The following CDC123 variants were observed in gnomAD, a reference collection of about 807,000 sequenced individuals.
The protein encoded by CDC123 is translation initiation factor eIF2 assembly protein.
A neutral mutation model predicts 54.4 loss-of-function variants in CDC123; 37 were observed. That is an observed-to-expected ratio of 0.68 (90% CI 0.52 to 0.89). CDC123 has a LOEUF of 0.89. Among genes scored for constraint, CDC123 ranks in the 40% least tolerant of loss-of-function variants. The pLI, the probability that CDC123 is intolerant of heterozygous loss-of-function variation, is 0.00. For synonymous variants in CDC123, 144 were observed against 136.8 expected (o/e 1.05, Z -0.37); for missense variants, 361 against 412.1 (o/e 0.88, Z 1.07).
intron 6 of CDC123, among the ~76,000 whole-genome samples, chr10:12,225,746 C>CTTTTTTTTTTTTTTTTTTTTTTTTT (rs60404885): frequency 1.5e-5 from 1 of 66,928 alleles, no homozygotes; most frequent in Non-Finnish European, 2.4e-5. Flanking sequence ...TAGCTTCTCT[C>CTTTTTTTTTTTTTTTTTTTTTTTTT]TTTTTTTTTT....
chr10:12,233,929 G>A (rs937215741), intron 7 of CDC123, among the ~76,000 whole-genome samples: 1 of 151,774 alleles, frequency 6.6e-6, no homozygotes, highest in Admixed American at 6.6e-5. Context: ...TGTGATTTAG[G>A]CCAAGGGTAG....
At chr10:12,231,623 C>T (rs1434590089) in intron 7 of CDC123, among the ~76,000 whole-genome samples, 24 of 92,094 alleles carry the variant, frequency 2.6e-4, no homozygotes, top group Non-Finnish European at 4.9e-4. Flanking sequence ...GAAACTCCGT[C>T]TCAAAAAAAA....
At position 12,238,330 on chromosome 10, in the gene CDC123, A is replaced by G. The variant is rs186014836; in HGVS notation, c.689-127A>G. The G allele has an allele frequency of 4.0e-6, 4 of 1,011,388 alleles. No homozygotes were observed. The Admixed American group carries it at 1.0e-4, about 25-fold the overall frequency. The allele number at this position is 1,011,388 out of a possible 1,614,324, so 62.7% of individuals were successfully genotyped here. A position where few individuals can be genotyped will look rare whatever the true frequency, so the allele number is the denominator to read the frequency against. ...TTATGTTTGAAGTTTTGAGGTTTAG[A>G]AGCATGAAGTCCTCAGGGTCATTTA... is the stretch of plus-strand genomic sequence containing the variant. On this transcript the variant is annotated intron_variant, in intron 9 of 12. Transcript: ENST00000281141.
intron 1 of CDC123, among the ~76,000 whole-genome samples, chr10:12,198,456 G>A (rs1192805492): frequency 1.3e-5 from 2 of 152,152 alleles, no homozygotes; most frequent in Non-Finnish European, 2.9e-5. Flanking sequence ...CTTTCATACT[G>A]TGATTTCCAT....
At chr10:12,234,970 A>T in intron 7 of CDC123, 78 bp from the exon 8 acceptor site, 1 of 967,792 alleles carries the variant, frequency 1.0e-6, no homozygotes, top group African/African-American at 1.6e-5. Context: ...TCATTAAGAT[A>T]CAGTGTTGAC....
intron 6 of CDC123, among the ~76,000 whole-genome samples, chr10:12,227,884 G>A (rs921432629): frequency 1.3e-5 from 2 of 152,162 alleles, no homozygotes; most frequent in Admixed American, 1.3e-4. Context: ...CCTTGGGGGC[G>A]AAAGGGCAGT....
chr10:12,241,164 G>C (rs773434158), intron 10 of CDC123, among the ~76,000 whole-genome samples: 3 of 70,078 alleles, frequency 4.3e-5, no homozygotes, highest in Non-Finnish European at 7.4e-5. Context: ...ATTTTTCTTA[G>C]TAAGTGAGGA....
chr10:12,238,695 G>C (rs1196937430), intron 10 of CDC123, among the ~76,000 whole-genome samples: 1 of 151,946 alleles, frequency 6.6e-6, no homozygotes, highest in Non-Finnish European at 1.5e-5. Flanking sequence ...GGGCAACATA[G>C]TGAGCCCTCA....
At chr10:12,225,067 A>C (rs12247668) in intron 6 of CDC123, among the ~76,000 whole-genome samples, 7,084 of 152,152 alleles carry the variant, frequency 0.047, 537 homozygotes, top group African/African-American at 0.16. Flanking sequence ...CCCCTTACAG[A>C]GCTTGAACTG....
rs372352421 is a variant in CDC123, at chr10:12,235,132, T to G, written c.565+9T>G. ...GGAAAACAAGCTTATTGGTGAGTTT[T>G]TGTTTGTTTGTTTGTTTTATCCTTC... is the stretch of plus-strand genomic sequence containing the variant. On this transcript the variant is annotated intron_variant, in intron 8 of 12. Transcript: ENST00000281141. 1.1e-4 allele frequency: 181 copies of G among 1,583,780 alleles called. 1 individual carries two copies. The African/African-American group carries it at 2.2e-3, about 20-fold the overall frequency.
Position 12,235,616 on chromosome 10 carries a change from T to C in CDC123, c.565+493T>C, listed in dbSNP as rs79496457. Among the ~76,000 whole-genome samples the C allele has an allele frequency of 2.7e-3, 413 of 152,368 alleles. 5 individuals are homozygous for C. In the East Asian group the frequency reaches 0.057, roughly 21 times the overall value. On this transcript the variant is annotated intron_variant, in intron 8 of 12. Transcript: ENST00000281141. ...CAGGTTACTGTTCTGTTTGCTATGA[T>C]TGATTTAACTTAAATATTGAAGATA... is the stretch of plus-strand genomic sequence containing the variant.
chr10:12,220,618 TAAA>T (rs1835723579), intron 6 of CDC123, among the ~76,000 whole-genome samples: 1 of 152,238 alleles, frequency 6.6e-6, no homozygotes, highest in African/African-American at 2.4e-5. Flanking sequence ...TGCCATCACA[TAAA>T]AATTCCTTAT....
chr10:12,229,086 T>G (rs1245632817), intron 6 of CDC123, among the ~76,000 whole-genome samples: 3 of 152,056 alleles, frequency 2.0e-5, no homozygotes, highest in Non-Finnish European at 4.4e-5. Flanking sequence ...CTGTGTCCAC[T>G]CCCATTCCCT....
chr10:12,223,803 G>A (rs898318817), intron 6 of CDC123, among the ~76,000 whole-genome samples: 13 of 152,046 alleles, frequency 8.6e-5, no homozygotes, highest in African/African-American at 2.9e-4. Context: ...TTGCTTCTGA[G>A]TAAAGACAAG....
chr10:12,234,271 T>C (rs1835946370), intron 7 of CDC123, among the ~76,000 whole-genome samples: 1 of 152,064 alleles, frequency 6.6e-6, no homozygotes, highest in African/African-American at 2.4e-5. Flanking sequence ...ATTTTTTGTG[T>C]TTTTAGTAGA....
chr10:12,238,625 C>A, intron 10 of CDC123, 140 bp downstream of exon 10: 1 of 1,011,196 alleles, frequency 9.9e-7, no homozygotes, highest in Non-Finnish European at 1.4e-6. Flanking sequence ...CCTGTATTCC[C>A]AGCACTTTGG....
chr10:12,220,196 T>C (rs1036458463), intron 6 of CDC123, among the ~76,000 whole-genome samples: 10 of 152,214 alleles, frequency 6.6e-5, no homozygotes, highest in Non-Finnish European at 1.5e-4. Context: ...CTTTTGCCTT[T>C]CCAGAACTAA....
intron 2 of CDC123, among the ~76,000 whole-genome samples, chr10:12,204,092 CAAA>C (rs748765566): frequency 1.5e-5 from 2 of 131,142 alleles, no homozygotes; most frequent in Admixed American, 7.9e-5. Flanking sequence ...GACCTTGTCT[CAAA>C]AAAAAAAAAA....
intron 6 of CDC123, among the ~76,000 whole-genome samples, chr10:12,224,112 T>A (rs1835773238): frequency 6.6e-6 from 1 of 152,006 alleles, no homozygotes; most frequent in Non-Finnish European, 1.5e-5. Flanking sequence ...GAACATACGA[T>A]GTTTGGTTTT....
Sources: gnomAD v4.1 joint callset for allele counts (sites outside exome capture counted in the v4.1 genomes callset) on GRCh38, gnomAD v4.1.1 for gene constraint, MANE v1.5 for transcripts, NCBI Gene and HGNC (gene_info 2026-07-23, HGNC 2026-07-21) for gene names.